The following PYROXD2 variants were observed in gnomAD, a reference collection of about 807,000 sequenced individuals.
PYROXD2 encodes the protein pyridine nucleotide-disulphide oxidoreductase domain 2.
Under a neutral mutation model 71.1 loss-of-function variants are expected in PYROXD2, and 69 were observed. That is an observed-to-expected ratio of 0.97 (90% CI 0.80 to 1.19). The LOEUF is 1.19. PYROXD2 is among the 50% of genes most tolerant of loss of function. The pLI, the probability that PYROXD2 is intolerant of heterozygous loss-of-function variation, is 0.00. For synonymous variants in PYROXD2, 287 were observed against 302.7 expected (o/e 0.95, Z 0.54); for missense variants, 745 against 748.9 (o/e 0.99, Z 0.06).
In PYROXD2 at chr10:98,390,680, A is replaced by C; in HGVS notation, c.1210T>G (p.Cys404Gly). The C allele has an allele frequency of 6.2e-7, 1 of 1,613,174 alleles. No individual in the cohort carries two copies. Among genetic ancestry groups the C allele is most frequent in the Non-Finnish European group, 8.5e-7 (1 of 1,179,472 alleles). Residue 404 changes from cysteine (C) to glycine (G), a missense_variant, in exon 12 of 16, where the codon TGC (cysteine) becomes GGC (glycine). Physicochemically the swap from Cys to Gly is radical, Grantham distance 159. Transcript: ENST00000370575. The stretch of plus-strand genomic sequence containing the variant: ...TCTTCACAGTTCAGGTGGATGGAGC[A>C]TTGGTGATGGGGCAGCGGCTGGCCC... ...PRGQPLPHHQ[C>G]SIHLNCEDTL... is the part of the protein sequence containing the mutation.
In PYROXD2 at chr10:98,397,332, C is replaced by T. The variant is rs762767319; in HGVS notation, c.625+13G>A. Reference sequence around the variant, plus strand: ...GTCACTCATCATGCCCTGGTGCCTGCACTTGGACTTACCTGCCTTCAGCAG... The same window carrying T: ...GTCACTCATCATGCCCTGGTGCCTGTACTTGGACTTACCTGCCTTCAGCAG... On this transcript the variant is annotated intron_variant, in intron 6 of 15. Transcript: ENST00000370575. 6.3e-7 allele frequency: 1 copy of T among 1,581,810 alleles called. No homozygotes were observed. Among genetic ancestry groups the T allele is most frequent in the East Asian group, 2.3e-5 (1 of 43,774 alleles).
At chr10:98,405,081 G>C (rs1843549902) in intron 4 of PYROXD2, among the ~76,000 whole-genome samples, 1 of 152,210 alleles carries the variant, frequency 6.6e-6, no homozygotes, top group Non-Finnish European at 1.5e-5. Context: ...TATGGCTGAA[G>C]GGGATGAAAA....
At chr10:98,385,189 G>T in intron 14 of PYROXD2, 122 bp from the exon 15 acceptor site, 1 of 1,377,604 alleles carries the variant, frequency 7.3e-7, no homozygotes, top group Non-Finnish European at 9.8e-7. Context: ...TATTTTCTTG[G>T]GTTTTAAAAT....
chr10:98,407,640 C>G lies in PYROXD2; in HGVS notation c.257G>C (p.Arg86Pro). The change falls in exon 4 of 16, where the codon CGC (arginine) becomes CCC (proline). Residue 86 changes from arginine (R) to proline (P), a missense_variant. Physicochemically the swap from Arg to Pro is moderately radical, Grantham distance 103. Transcript: ENST00000370575. Reference sequence around the variant, plus strand: ...CAGCAGGCTGAGCAGGTAGGACGCGCGGGAGAACTTAAACCCTGAAACCGA... The same window carrying G: ...CAGCAGGCTGAGCAGGTAGGACGCGGGGGAGAACTTAAACCCTGAAACCGA... ...EEIIPGFKFS[R>P]ASYLLSLLRP... The G allele has an allele frequency of 6.2e-7, 1 of 1,613,922 alleles. No homozygotes were observed. Among genetic ancestry groups the G allele is most frequent in the Non-Finnish European group, 8.5e-7 (1 of 1,179,988 alleles).
chr10:98,392,298 C>T (rs6584191), intron 10 of PYROXD2, 134 bp downstream of exon 10: 1 of 1,432,016 alleles, frequency 7.0e-7, no homozygotes, highest in South Asian at 1.4e-5. Flanking sequence ...GCCCTTACCC[C>T]CCTGTTTCCC....
chr10:98,407,831 C>T (rs1479266019), intron 3 of PYROXD2, 73 bp downstream of exon 3: 3 of 1,459,058 alleles, frequency 2.1e-6, no homozygotes, highest in East Asian at 2.5e-5. Flanking sequence ...GACCGTCACC[C>T]GGGGTCAGCA....
chr10:98,388,175 T>C, intron 13 of PYROXD2, 179 bp downstream of exon 13: 1 of 624,808 alleles, frequency 1.6e-6, no homozygotes, highest in South Asian at 1.9e-5. Flanking sequence ...TTGACTTTCT[T>C]AGCCCAGTTC....
intron 6 of PYROXD2, 28 bp downstream of exon 6, chr10:98,397,317 A>G: frequency 1.3e-6 from 2 of 1,553,806 alleles, no homozygotes; most frequent in Non-Finnish European, 1.7e-6. Flanking sequence ...GTCACTCATC[A>G]TGCCCTGGTG....
intron 15 of PYROXD2, among the ~76,000 whole-genome samples, chr10:98,384,305 G>A (rs1048646599): frequency 1.2e-4 from 18 of 152,178 alleles, no homozygotes; most frequent in African/African-American, 4.3e-4. Context: ...GAATTGTAAA[G>A]TTGAAGAAGT....
chr10:98,410,976 A>G lies in PYROXD2; in HGVS notation c.128-18T>C, dbSNP rs1458766649. ...GTTGTGTCCTGCAACAAAACGGGACAGGGAAGGAAAACATCACTGGTCAGC... is the reference window on the plus strand; with the variant it reads ...GTTGTGTCCTGCAACAAAACGGGACGGGGAAGGAAAACATCACTGGTCAGC... On this transcript the variant is annotated intron_variant, in intron 1 of 15. Transcript: ENST00000370575. 4 of 1,560,270 alleles carry G rather than the reference A, an allele frequency of 2.6e-6. No individual in the cohort carries two copies. Among genetic ancestry groups the G allele is most frequent in the Non-Finnish European group, 3.5e-6 (4 of 1,151,394 alleles).
intron 8 of PYROXD2, among the ~76,000 whole-genome samples, chr10:98,394,544 ACAC>A (rs1286547265): frequency 5.2e-5 from 1 of 19,232 alleles, no homozygotes; most frequent in Non-Finnish European, 8.8e-5. Context: ...CTCCATCCCA[ACAC>A]ACACACACAC....
At chr10:98,387,840 G>A (rs1842808667) in intron 13 of PYROXD2, 1 of 177,886 alleles carries the variant, frequency 5.6e-6, no homozygotes, top group Admixed American at 5.6e-5. Context: ...CACCATGTTG[G>A]TCAGGCTGGT....
At position 98,389,873 on chromosome 10, in the gene PYROXD2, C is replaced by G. The variant is rs369848759; in HGVS notation, c.1292+725G>C. The stretch of plus-strand genomic sequence containing the variant: ...ATCTGTGCCCACTCACTGAACCAAG[C>G]CTGGCACAGAATAGAGACCCCAGAA... On this transcript the variant is annotated intron_variant, in intron 12 of 15. Coordinates refer to ENST00000370575, the MANE Select transcript of PYROXD2 (RefSeq NM_032709.3). Among the ~76,000 whole-genome samples, 13 of 152,310 alleles carry G rather than the reference C, an allele frequency of 8.5e-5. No individual in the cohort carries two copies. In the East Asian group the frequency reaches 1.2e-3, roughly 14 times the overall value.
intron 4 of PYROXD2, among the ~76,000 whole-genome samples, chr10:98,405,233 G>A (rs1015849705): frequency 1.3e-5 from 2 of 152,168 alleles, no homozygotes; most frequent in African/African-American, 2.4e-5. Flanking sequence ...GTCAGTGCTC[G>A]CATTGACAGC....
At chr10:98,387,158 A>G (rs1842779559) in intron 14 of PYROXD2, 43 bp downstream of exon 14, 1 of 1,434,868 alleles carries the variant, frequency 7.0e-7, no homozygotes. Flanking sequence ...GTGAGGGTGC[A>G]GAGGGAAGGC....
chr10:98,414,187 A>C (rs1250667996), intron 1 of PYROXD2: 1 of 152,118 alleles, frequency 6.6e-6, no homozygotes, highest in Admixed American at 6.5e-5. Context: ...GCTCTAGTAC[A>C]TATGAAAATG....
rs1467855177 is a variant in PYROXD2, at chr10:98,388,418, C to T, written c.1383G>A (p.Met461Ile). 2.5e-6 allele frequency: 4 copies of T among 1,613,458 alleles called. No individual in the cohort carries two copies. Among genetic ancestry groups the T allele is most frequent in the African/African-American group, 2.7e-5 (2 of 74,718 alleles). Reference protein sequence around the residue: ...CHVVSLFTQYMPYTLAGGKAW... With the variant: ...CHVVSLFTQYIPYTLAGGKAW... ...CCTTGCCTCCAGCCAGCGTATAGGG[C>T]ATGTACTGAGTGAAGAGGGAGACTA... The change falls in exon 13 of 16, where the codon ATG becomes ATA. Residue 461 changes from methionine (M) to isoleucine (I), a missense_variant. By Grantham distance (10) the Met-to-Ile change is conservative (BLOSUM62 1). Transcript: ENST00000370575.
chr10:98,409,070 A>G (rs1430433311), intron 2 of PYROXD2, among the ~76,000 whole-genome samples: 2 of 152,256 alleles, frequency 1.3e-5, no homozygotes, highest in African/African-American at 4.8e-5. Context: ...GCTGTCACTC[A>G]GTGGCTGAGG....
At chr10:98,414,711 T>A (rs142500658) in intron 1 of PYROXD2, 4 of 324,010 alleles carry the variant, frequency 1.2e-5, no homozygotes, top group Non-Finnish European at 2.3e-5. Context: ...GCAAGAGATA[T>A]AGGGAAACCC....
Sources: allele counts gnomAD v4.1 joint callset (sites outside exome capture counted in the v4.1 genomes callset), GRCh38; gene constraint gnomAD v4.1.1; transcripts MANE v1.5; gene names NCBI Gene and HGNC (gene_info 2026-07-23, HGNC 2026-07-21).